PTPRG: variants seen among roughly 807,000 people sequenced by gnomAD.
PTPRG encodes the protein receptor-type tyrosine-protein phosphatase gamma.
Under a neutral mutation model 165.3 loss-of-function variants are expected in PTPRG, and 102 were observed. The ratio of observed to expected loss-of-function variants is 0.62; its 90% CI spans 0.53 to 0.73. The LOEUF (loss-of-function observed/expected upper bound fraction) is 0.73. Among genes scored for constraint, PTPRG ranks in the 30% least tolerant of loss-of-function variants. The pLI is 0.00. For synonymous variants in PTPRG, 675 were observed against 669.5 expected (o/e 1.01, Z -0.13); for missense variants, 1,866 against 1,861.4 (o/e 1.00, Z -0.05).
At chr3:62,122,322 G>C (rs540416278) in intron 5 of PTPRG, among the ~76,000 whole-genome samples, 5 of 152,278 alleles carry the variant, frequency 3.3e-5, no homozygotes, top group Non-Finnish European at 5.9e-5. Flanking sequence ...TGTAGTATCA[G>C]GCAGCAAACC....
At chr3:62,149,276 T>G (rs1704237414) in intron 6 of PTPRG, among the ~76,000 whole-genome samples, 1 of 150,892 alleles carries the variant, frequency 6.6e-6, no homozygotes, top group Non-Finnish European at 1.5e-5. Context: ...GCCTCTTTTT[T>G]TTTTTTTTTT....
chr3:61,642,912 C>G (rs1171896604), intron 1 of PTPRG, among the ~76,000 whole-genome samples: 1 of 152,066 alleles, frequency 6.6e-6, no homozygotes, highest in Non-Finnish European at 1.5e-5. Context: ...TGTTGTTTGC[C>G]CCTGACAGTA....
intron 2 of PTPRG, among the ~76,000 whole-genome samples, chr3:61,872,239 G>A (rs114064847): frequency 0.011 from 1,707 of 152,290 alleles, 32 homozygotes; most frequent in African/African-American, 0.038. Context: ...CAGGTGCAGC[G>A]TTGGGCACCT....
chr3:62,080,061 C>CTTTTTT lies in PTPRG; in HGVS notation c.615+1803_615+1804insTTTTTT, dbSNP rs774262138. 1.1e-3 allele frequency among the ~76,000 whole-genome samples: 126 copies of CTTTTTT among 111,542 alleles called. 19 individuals carry two copies. Among genetic ancestry groups the CTTTTTT allele is most frequent in the Middle Eastern group, 5.6e-3 (1 of 180 alleles). The allele number at this position is 111,542 out of a possible 152,430, so 73.2% of individuals were successfully genotyped here. A position where few individuals can be genotyped will look rare whatever the true frequency, so the allele number is the denominator to read the frequency against. On this transcript the variant is annotated intron_variant, in intron 5 of 29. Coordinates refer to ENST00000474889, the MANE Select transcript of PTPRG (RefSeq NM_002841.4). ...GAGTTCTGTCTGGACCCCTTCGGTT[C>CTTTTTT]ATTTTTTTTTTTTTTTTTTTTGAGA...
chr3:61,797,110 G>A (rs1045122362), intron 2 of PTPRG, among the ~76,000 whole-genome samples: 1 of 152,178 alleles, frequency 6.6e-6, no homozygotes, highest in African/African-American at 2.4e-5. Context: ...ATTCTTCCCA[G>A]GAGCTAAGAT....
At chr3:62,020,063 G>C (rs1041354970) in intron 4 of PTPRG, among the ~76,000 whole-genome samples, 5 of 152,042 alleles carry the variant, frequency 3.3e-5, no homozygotes, top group Non-Finnish European at 7.4e-5. Context: ...GTTGATCATA[G>C]ATTCTGTTGA....
intron 1 of PTPRG, among the ~76,000 whole-genome samples, chr3:61,564,058 G>T (rs1442528272): frequency 3.3e-5 from 5 of 152,374 alleles, no homozygotes; most frequent in Non-Finnish European, 7.3e-5. Context: ...ACTGGGGCCT[G>T]GGGTTTGCCC....
intron 2 of PTPRG, among the ~76,000 whole-genome samples, chr3:61,917,990 A>G (rs890715965): frequency 6.6e-6 from 1 of 152,166 alleles, no homozygotes; most frequent in Non-Finnish European, 1.5e-5. Context: ...CCAAGCAGGC[A>G]TTGATAAAGG....
rs940712848 is a variant in PTPRG, at chr3:62,217,378, A to G, written c.2156-1473A>G. Among the ~76,000 whole-genome samples the G allele has an allele frequency of 6.6e-6, 1 of 152,190 alleles. No individual in the cohort carries two copies. Among genetic ancestry groups the G allele is most frequent in the African/African-American group, 2.4e-5 (1 of 41,442 alleles). ...GGAGGTGGTCAACATCAAATGCATT[A>G]GAGGAAATCCAGTGAAACGCATCGT... On this transcript the variant is annotated intron_variant, in intron 12 of 29. Coordinates refer to ENST00000474889, the MANE Select transcript of PTPRG (RefSeq NM_002841.4). This position sits in a 1 kb window ranked among gnomAD's most constrained non-coding sequence, Gnocchi z 4.3.
chr3:62,280,620 A>C (rs1182462534), intron 26 of PTPRG, among the ~76,000 whole-genome samples: 1 of 152,038 alleles, frequency 6.6e-6, no homozygotes, highest in African/African-American at 2.4e-5. Flanking sequence ...GGGAATGTAG[A>C]TTGCTAGAGC....
chr3:62,086,451 T>A (rs1036346955), intron 5 of PTPRG, among the ~76,000 whole-genome samples: 5 of 152,082 alleles, frequency 3.3e-5, no homozygotes, highest in Non-Finnish European at 5.9e-5. Flanking sequence ...AAAATTGAGT[T>A]TGTGTTGGAG....
At chr3:61,733,973 T>C (rs2032621882) in intron 1 of PTPRG, among the ~76,000 whole-genome samples, 1 of 152,160 alleles carries the variant, frequency 6.6e-6, no homozygotes, top group South Asian at 2.1e-4. Context: ...AATTTTTGTA[T>C]TTTTTGTAGA....
In PTPRG at chr3:62,267,810, A is replaced by T; in HGVS notation, c.2865A>T (p.Glu955Asp). 6.2e-7 allele frequency: 1 copy of T among 1,612,712 alleles called. No homozygotes were observed. Among genetic ancestry groups the T allele is most frequent in the Non-Finnish European group, 8.5e-7 (1 of 1,179,264 alleles). Reference sequence around the variant, plus strand: ...TTGTGATGATTACGAACCTTGTGGAAAAAGGAAGAGTAAGAGCCTTTTGAC... The same window carrying T: ...TTGTGATGATTACGAACCTTGTGGATAAAGGAAGAGTAAGAGCCTTTTGAC... ...GIIVMITNLV[E>D]KGRRKCDQYW... Residue 955 changes from glutamate to aspartate, a missense_variant, in exon 19 of 30, where the codon GAA (glutamate) becomes GAT (aspartate). This residue lies in a region of PTPRG where 1,452 missense variants were observed against 1,463.0 expected (regional missense o/e 0.99). Coordinates refer to ENST00000474889, the MANE Select transcript of PTPRG (RefSeq NM_002841.4).
At chr3:62,018,904 G>A (rs573896779) in intron 4 of PTPRG, among the ~76,000 whole-genome samples, 51 of 152,188 alleles carry the variant, frequency 3.4e-4, no homozygotes, top group Non-Finnish European at 6.0e-4. Context: ...CCCAGTGCTA[G>A]AGGAAATGAT....
intron 12 of PTPRG, among the ~76,000 whole-genome samples, chr3:62,215,031 AGGCGGGACCAT>A (rs1298734869): frequency 6.6e-6 from 1 of 152,164 alleles, no homozygotes; most frequent in Non-Finnish European, 1.5e-5. Context: ...AAAGGCAGAG[AGGCGGGACCAT>A]GGCTCAGCAT....
Position 61,627,327 on chromosome 3 carries a change from A to T in PTPRG, c.85+64955A>T, listed in dbSNP as rs906251372. The stretch of plus-strand genomic sequence containing the variant: ...GTAAGGTGTGATTTGGGGTAAAAAA[A>T]CATAAAATTTGCCTGATACGATAAT... On this transcript the variant is annotated intron_variant, in intron 1 of 29. Transcript: ENST00000474889. 3.9e-5 allele frequency among the ~76,000 whole-genome samples: 6 copies of T among 152,176 alleles called. No homozygotes were observed. The East Asian group carries it at 1.2e-3, about 29-fold the overall frequency.
chr3:61,627,296 G>T (rs1701639693), intron 1 of PTPRG, among the ~76,000 whole-genome samples: 1 of 152,136 alleles, frequency 6.6e-6, no homozygotes, highest in Non-Finnish European at 1.5e-5. Flanking sequence ...GGATAATTCG[G>T]TTGGAGTAAG....
intron 2 of PTPRG, among the ~76,000 whole-genome samples, chr3:61,957,690 C>T (rs886282618): frequency 2.0e-5 from 3 of 152,318 alleles, no homozygotes; most frequent in South Asian, 4.1e-4. Context: ...ATCTATTCCA[C>T]GTAGTCCTGG....
chr3:62,142,497 T>C (rs1363126765), intron 6 of PTPRG, among the ~76,000 whole-genome samples: 2 of 152,144 alleles, frequency 1.3e-5, no homozygotes, highest in African/African-American at 4.8e-5. Flanking sequence ...ATGGGTGTTA[T>C]ATTTCACAAT....
Sources: gnomAD v4.1 joint callset for allele counts (sites outside exome capture counted in the v4.1 genomes callset) on GRCh38, gnomAD v4.1.1 for gene constraint, gnomAD v4.1.1 regional missense constraint, Gnocchi (gnomAD v3.1) non-coding constraint, MANE v1.5 for transcripts, NCBI Gene and HGNC (gene_info 2026-07-23, HGNC 2026-07-21) for gene names.